Variants in LINGO2 observed in about 807,000 individuals in gnomAD.
The protein encoded by LINGO2 is leucine rich repeat and Ig domain containing 2.
A neutral mutation model predicts 30.6 loss-of-function variants in LINGO2; 14 were observed. The observed-to-expected ratio is 0.46, with a 90% CI of 0.30 to 0.72. The LOEUF (loss-of-function observed/expected upper bound fraction) is 0.72. LINGO2 is among the 30% of genes least tolerant of loss of function. The probability of loss-of-function intolerance (pLI) is 0.07; values close to 1 mark genes in which losing one functional copy is unlikely to be tolerated. For synonymous variants in LINGO2, 317 were observed against 288.5 expected (o/e 1.10, Z -1.00); for missense variants, 729 against 751.7 (o/e 0.97, Z 0.35).
chr9:28,325,017 C>T (rs1007822508), intron 3 of LINGO2, among the ~76,000 whole-genome samples: 1 of 151,942 alleles, frequency 6.6e-6, no homozygotes, highest in African/African-American at 2.4e-5. Context: ...CTTAACTTCT[C>T]TCTTCCACGT....
the LINGO2 span, among the ~76,000 whole-genome samples, chr9:28,852,424 C>A: frequency 1.3e-5 from 2 of 151,884 alleles, no homozygotes; most frequent in South Asian, 2.1e-4. Context: ...TTAGAAGAGG[C>A]ACCAAAATAT....
chr9:28,915,176 A>T, the LINGO2 span, among the ~76,000 whole-genome samples: 1 of 152,164 alleles, frequency 6.6e-6, no homozygotes, highest in East Asian at 1.9e-4. Flanking sequence ...AAATAAAGTT[A>T]GTCACAAACT....
intron 4 of LINGO2, among the ~76,000 whole-genome samples, chr9:28,271,625 C>T (rs1017487158): frequency 1.3e-5 from 2 of 152,102 alleles, no homozygotes; most frequent in South Asian, 2.1e-4. Flanking sequence ...AAGAATCAGC[C>T]TTCTAAGATG....
At chr9:28,279,315 G>C (rs1488204122) in intron 4 of LINGO2, among the ~76,000 whole-genome samples, 6 of 152,186 alleles carry the variant, frequency 3.9e-5, no homozygotes, top group Non-Finnish European at 7.4e-5. Context: ...TTCCAATTCT[G>C]AAAGAAATTC....
At position 28,142,157 on chromosome 9, in the gene LINGO2, C is replaced by CTTT. The variant is rs3064726; in HGVS notation, c.-86-129755_-86-129753dup. Among the ~76,000 whole-genome samples, 1,053 of 135,956 alleles carry CTTT rather than the reference C, an allele frequency of 7.7e-3. 14 individuals are homozygous for CTTT. Among genetic ancestry groups the CTTT allele is most frequent in the African/African-American group, 0.026 (940 of 36,540 alleles). 89.2% of individuals were successfully genotyped at this position (135,956 alleles called of 152,430 possible). A position where few individuals can be genotyped will look rare whatever the true frequency, so the allele number is the denominator to read the frequency against. On this transcript the variant is annotated intron_variant, in intron 4 of 5. Coordinates refer to ENST00000379992, the Ensembl canonical transcript of LINGO2. The stretch of plus-strand genomic sequence containing the variant: ...GAACTGATTGGGTTACTTTCTTTGT[C>CTTT]TTTTTTTTTTTTTTTTTGTGGCAAG...
intron 4 of LINGO2, among the ~76,000 whole-genome samples, chr9:28,153,890 A>C (rs938284254): frequency 6.6e-6 from 1 of 152,226 alleles, no homozygotes; most frequent in Admixed American, 6.5e-5. Context: ...AATTTCATTA[A>C]GGAAAGCAAA....
At chr9:28,606,683 G>T (rs191920246) in intron 1 of LINGO2, among the ~76,000 whole-genome samples, 8 of 152,068 alleles carry the variant, frequency 5.3e-5, no homozygotes, top group Admixed American at 5.3e-4. Flanking sequence ...TAGAATGAAA[G>T]GATACCAAAA....
intron 2 of LINGO2, among the ~76,000 whole-genome samples, chr9:28,440,030 T>C (rs1236144808): frequency 6.6e-6 from 1 of 152,204 alleles, no homozygotes; most frequent in Non-Finnish European, 1.5e-5. Flanking sequence ...GTGTTATTTT[T>C]CACCCTGGCA....
At chr9:29,041,876 G>A in the LINGO2 span, among the ~76,000 whole-genome samples, 5 of 151,910 alleles carry the variant, frequency 3.3e-5, no homozygotes, top group African/African-American at 1.2e-4. Flanking sequence ...TACAAATTCT[G>A]AGAAAATATT....
At chr9:28,576,973 G>T (rs1824022865) in intron 1 of LINGO2, among the ~76,000 whole-genome samples, 1 of 152,082 alleles carries the variant, frequency 6.6e-6, no homozygotes, top group South Asian at 2.1e-4. Context: ...AATTATGATG[G>T]TGACAGAGAT....
chr9:28,002,315 C>G (rs545692106), intron 5 of LINGO2, among the ~76,000 whole-genome samples: 5 of 151,984 alleles, frequency 3.3e-5, no homozygotes, highest in Non-Finnish European at 7.4e-5. Context: ...ATGACAAACC[C>G]AAGCCTGTAA....
At chr9:28,669,871 C>A (rs141132073) in intron 1 of LINGO2, among the ~76,000 whole-genome samples, 1 of 152,088 alleles carries the variant, frequency 6.6e-6, no homozygotes, top group East Asian at 1.9e-4. Flanking sequence ...TATATTAGAA[C>A]ATGCTAAAAT....
At chr9:28,998,190 TG>T in the LINGO2 span, among the ~76,000 whole-genome samples, 3 of 152,108 alleles carry the variant, frequency 2.0e-5, no homozygotes, top group East Asian at 5.8e-4. Flanking sequence ...GTGCTATGAT[TG>T]ATTATTAATG....
At chr9:28,477,557 G>A (rs1825779246) in intron 1 of LINGO2, among the ~76,000 whole-genome samples, 2 of 152,082 alleles carry the variant, frequency 1.3e-5, no homozygotes, top group Non-Finnish European at 2.9e-5. Context: ...CATTTGCCTT[G>A]TATTCAAGCC....
intron 1 of LINGO2, among the ~76,000 whole-genome samples, chr9:28,653,394 C>T (rs1190625579): frequency 2.6e-5 from 4 of 152,102 alleles, no homozygotes; most frequent in African/African-American, 9.7e-5. Flanking sequence ...CACTTCTGCT[C>T]AGATCTCACT....
chr9:28,230,139 T>A (rs908123193), intron 4 of LINGO2, among the ~76,000 whole-genome samples: 1 of 151,882 alleles, frequency 6.6e-6, no homozygotes, highest in African/African-American at 2.4e-5. Flanking sequence ...TAAGACAACA[T>A]ACTTTAGAAA....
At chr9:29,078,260 G>A in the LINGO2 span, among the ~76,000 whole-genome samples, 2 of 151,824 alleles carry the variant, frequency 1.3e-5, no homozygotes, top group Admixed American at 6.6e-5. Flanking sequence ...TTTTCATTTA[G>A]TTAGTGCTGA....
At chr9:28,304,515 T>G (rs1824269493) in intron 3 of LINGO2, among the ~76,000 whole-genome samples, 1 of 152,036 alleles carries the variant, frequency 6.6e-6, no homozygotes, top group South Asian at 2.1e-4. Flanking sequence ...AGAATATTTC[T>G]GCACCCCAGA....
At chr9:27,978,610 G>A (rs745388117) in intron 5 of LINGO2, among the ~76,000 whole-genome samples, 1 of 151,984 alleles carries the variant, frequency 6.6e-6, no homozygotes, top group Non-Finnish European at 1.5e-5. Flanking sequence ...CCTTCATGAA[G>A]GTCTTCCTAC....
Sources: gnomAD v4.1 joint callset for allele counts (sites outside exome capture counted in the v4.1 genomes callset) on GRCh38, gnomAD v4.1.1 for gene constraint, MANE v1.5 for transcripts, NCBI Gene and HGNC (gene_info 2026-07-23, HGNC 2026-07-21) for gene names.